The following HNRNPK variants were observed in gnomAD, a reference collection of about 807,000 sequenced individuals.
The protein encoded by HNRNPK is heterogeneous nuclear ribonucleoprotein K.
Under a neutral mutation model 67.0 loss-of-function variants are expected in HNRNPK, and 7 were observed. The ratio of observed to expected loss-of-function variants is 0.10; its 90% confidence interval spans 0.06 to 0.20. The LOEUF is 0.20. HNRNPK is among the 10% of genes least tolerant of loss of function. The pLI, the probability that HNRNPK is intolerant of heterozygous loss-of-function variation, is 1.00. For synonymous variants in HNRNPK, 213 were observed against 193.7 expected (o/e 1.10, Z -0.83); for missense variants, 264 against 606.5 (o/e 0.44, Z 5.93).
chr9:83,978,898 C>A (rs1054199785), intron 1 of HNRNPK, among the ~76,000 whole-genome samples: 1 of 152,168 alleles, frequency 6.6e-6, no homozygotes, highest in African/African-American at 2.4e-5. Flanking sequence ...ACAAATACAA[C>A]GGCAATTGCG....
At chr9:83,972,498 G>A (rs1000400170) in intron 10 of HNRNPK, among the ~76,000 whole-genome samples, 2 of 152,118 alleles carry the variant, frequency 1.3e-5, no homozygotes, top group Non-Finnish European at 2.9e-5. Flanking sequence ...AAACTACAAT[G>A]CACATTTCAC....
chr9:83,974,344 T>C (rs942232853), intron 7 of HNRNPK, among the ~76,000 whole-genome samples, 173 bp downstream of exon 7: 7 of 143,146 alleles, frequency 4.9e-5, no homozygotes, highest in Non-Finnish European at 6.2e-5. Context: ...TGTTTTTTTT[T>C]TTAAAAAAAA....
At chr9:83,974,774 T>C (rs571914218) in intron 6 of HNRNPK, among the ~76,000 whole-genome samples, 185 bp from the exon 7 acceptor site, 57 of 152,322 alleles carry the variant, frequency 3.7e-4, no homozygotes, top group African/African-American at 9.6e-4. Flanking sequence ...AATACAGACA[T>C]GATAACAATA....
rs1230144173 is a variant in HNRNPK at position 83,978,367 on chromosome 9, A to T, written c.-28+6T>A. 3 of 1,510,400 alleles carry T rather than the reference A, an allele frequency of 2.0e-6. No homozygotes were observed. Among genetic ancestry groups the T allele is most frequent in the African/African-American group, 2.8e-5 (2 of 70,642 alleles). 93.6% of individuals were successfully genotyped at this position (1,510,400 alleles called of 1,614,324 possible). A position where few individuals can be genotyped will look rare whatever the true frequency, so the allele number is the denominator to read the frequency against. On this transcript the variant is annotated splice_donor_region_variant and intron_variant, in intron 2 of 16. Coordinates refer to ENST00000376263, the MANE Select transcript of HNRNPK (RefSeq NM_031263.4). ...AAAAAAAAAAGACATTGCTTCTAGA[A>T]CGTACCAGTTATTATATATCCTTGC...
chr9:83,978,451 G>A lies in HNRNPK; in HGVS notation c.-106C>T, dbSNP rs545857009. The A allele has an allele frequency of 1.9e-4, 206 of 1,084,814 alleles. No individual in the cohort carries two copies. The African/African-American group carries it at 3.2e-3, about 17-fold the overall frequency. 67.2% of individuals were successfully genotyped at this position (1,084,814 alleles called of 1,614,324 possible). A position where few individuals can be genotyped will look rare whatever the true frequency, so the allele number is the denominator to read the frequency against. The stretch of plus-strand genomic sequence containing the variant: ...CAACTGACACCCCAGTGCTGCAGTA[G>A]CCTATAAGAACCAACACAAATCAGT... On this transcript the variant is annotated splice_region_variant and 5_prime_UTR_variant, in exon 2 of 17. Transcript: ENST00000376263.
rs1051830046 is a variant in HNRNPK at position 83,978,413 on chromosome 9, T to C, written c.-68A>G. ...CTTGCAGAGCAGAACTGAAGCGTTC[T>C]GGGTCGGACCAACAACTGACACCCC... On this transcript the variant is annotated 5_prime_UTR_variant, in exon 2 of 17. Transcript: ENST00000376263. The C allele has an allele frequency of 1.6e-5, 22 of 1,395,954 alleles. No homozygotes were observed. The African/African-American group carries it at 2.5e-4, about 16-fold the overall frequency. The allele number at this position is 1,395,954 out of a possible 1,614,324, so 86.5% of individuals were successfully genotyped here.
intron 16 of HNRNPK, chr9:83,969,905 G>C (rs753889906): frequency 3.2e-6 from 2 of 620,942 alleles, no homozygotes; most frequent in African/African-American, 3.6e-5. Context: ...TTAACAAGTG[G>C]TTTTGGCAGC....
rs775885766 is a variant in HNRNPK, at chr9:83,970,930, A to G, written c.1093-18T>C. ...GAGCCACCCTAAAAACAGAAAGAAA[A>G]AAATAGAAAATTACTTTGCCGTTGT... On this transcript the variant is annotated intron_variant, in intron 13 of 16. Transcript: ENST00000376263. The G allele has an allele frequency of 2.5e-6, 4 of 1,610,822 alleles. No individual in the cohort carries two copies. Among genetic ancestry groups the G allele is most frequent in the South Asian group, 1.1e-5 (1 of 90,926 alleles).
intron 5 of HNRNPK, among the ~76,000 whole-genome samples, chr9:83,976,258 A>G (rs1006778439): frequency 2.0e-5 from 3 of 152,236 alleles, no homozygotes; most frequent in African/African-American, 7.2e-5. Context: ...ACTGTCAAAT[A>G]AGTACTCGAC....
At chr9:83,970,065 A>G in intron 16 of HNRNPK, 97 bp downstream of exon 16, 2 of 975,912 alleles carry the variant, frequency 2.0e-6, no homozygotes, top group Non-Finnish European at 3.1e-6. Context: ...AAAGGTTGAG[A>G]CACCATGGCT....
intron 1 of HNRNPK, among the ~76,000 whole-genome samples, chr9:83,979,772 G>A (rs911580009): frequency 1.3e-5 from 2 of 148,342 alleles, no homozygotes; most frequent in Non-Finnish European, 3.0e-5. Context: ...AGCCCTGACC[G>A]TTCCATCCCC....
intron 6 of HNRNPK, 45 bp downstream of exon 6, chr9:83,975,417 C>A (rs547319238): frequency 6.4e-7 from 1 of 1,564,324 alleles, no homozygotes; most frequent in South Asian, 1.1e-5. Context: ...AAATACATTT[C>A]TCTCTTTCTA....
intron 12 of HNRNPK, 132 bp downstream of exon 12, chr9:83,971,536 ATTAT>A (rs757644595): frequency 1.3e-5 from 11 of 833,636 alleles, no homozygotes; most frequent in Non-Finnish European, 2.2e-5. Context: ...AAATAACAGA[ATTAT>A]TTAACTAGTA....
At chr9:83,972,272 CAA>C in intron 10 of HNRNPK, 83 bp from the exon 11 acceptor site, 1 of 1,046,584 alleles carries the variant, frequency 9.6e-7, no homozygotes, top group African/African-American at 1.6e-5. Context: ...CATCATCAAA[CAA>C]AATGTAAGTC....
rs767896170 is a variant in HNRNPK, at chr9:83,972,170, G to A, written c.665C>T (p.Ala222Val). The change falls in exon 11 of 17, where the codon GCA becomes GTA. Residue 222 changes from alanine (A) to valine (V), a missense_variant. Physicochemically the swap from Ala to Val is moderately conservative, Grantham distance 64. Transcript: ENST00000376263. ...LISESPIKGR[A>V]QPYDPNFYDE... Reference sequence around the variant, plus strand: ...GTAAAAATTGGGATCATAAGGCTGTGCACGTCCTTTGATGGGAGACTAAAA... The same window carrying A: ...GTAAAAATTGGGATCATAAGGCTGTACACGTCCTTTGATGGGAGACTAAAA... 6.2e-7 allele frequency: 1 copy of A among 1,604,018 alleles called. No individual in the cohort carries two copies. Among genetic ancestry groups the A allele is most frequent in the Non-Finnish European group, 8.5e-7 (1 of 1,174,766 alleles).
chr9:83,977,026 C>G lies in HNRNPK; in HGVS notation c.182G>C (p.Gly61Ala). 1 of 1,611,976 alleles carries G rather than the reference C, an allele frequency of 6.2e-7. No individual in the cohort carries two copies. Among genetic ancestry groups the G allele is most frequent in the East Asian group, 2.2e-5 (1 of 44,838 alleles). Residue 61 changes from glycine (G) to alanine (A), a missense_variant, in exon 5 of 17, where the codon GGA becomes GCA. Coordinates refer to ENST00000376263, the MANE Select transcript of HNRNPK (RefSeq NM_031263.4). ...ACGGAGAGCCTTAATATTCTTGCCT[C>G]CTTTTCCAATCACTGCCCCAGCATT... ...SKNAGAVIGK[G>A]GKNIKALRTD...
rs750341226 is a variant in HNRNPK at position 83,978,276 on chromosome 9, C to G, written c.-24G>C. ...ATATTCTTTTATTAAACGGGCACAC[C>G]AATCTGTGGAAAAATAAAGCAGCTA... On this transcript the variant is annotated 5_prime_UTR_variant, in exon 3 of 17. Coordinates refer to ENST00000376263, the MANE Select transcript of HNRNPK (RefSeq NM_031263.4). 1.0e-5 allele frequency: 16 copies of G among 1,594,612 alleles called. No individual in the cohort carries two copies. Among genetic ancestry groups the G allele is most frequent in the Non-Finnish European group, 1.3e-5 (15 of 1,171,284 alleles).
chr9:83,977,800 G>C lies in HNRNPK; in HGVS notation c.59-14C>G. On this transcript the variant is annotated splice_polypyrimidine_tract_variant and intron_variant, in intron 3 of 16. Transcript: ENST00000376263. ...CAGGGCGTTTACCTAAAAATTAACA[G>C]TTCACATTTCAAAGAAAGCAGCGAA... 1.3e-6 allele frequency: 2 copies of C among 1,505,036 alleles called. No individual in the cohort carries two copies. The highest frequency in any genetic ancestry group is 1.8e-6 in the Non-Finnish European group (2 of 1,086,374). The allele number at this position is 1,505,036 out of a possible 1,614,324, so 93.2% of individuals were successfully genotyped here.
intron 5 of HNRNPK, among the ~76,000 whole-genome samples, chr9:83,976,332 A>C (rs1319321066): frequency 6.6e-6 from 1 of 152,222 alleles, no homozygotes; most frequent in Admixed American, 6.5e-5. Context: ...TATGAGAAAA[A>C]AAATTTAGAA....
Sources: allele counts gnomAD v4.1 joint callset (sites outside exome capture counted in the v4.1 genomes callset), GRCh38; gene constraint gnomAD v4.1.1; transcripts MANE v1.5; gene names NCBI Gene and HGNC (gene_info 2026-07-23, HGNC 2026-07-21).